The following AP5Z1 variants were observed in gnomAD, a reference collection of about 807,000 sequenced individuals.
AP5Z1 encodes the protein adaptor related protein complex 5 subunit zeta 1, also known as AP-5 complex subunit zeta-1.
AP5Z1 carries 106 observed loss-of-function variants against 83.0 expected under a neutral mutation model. The observed-to-expected ratio is 1.28, with a 90% confidence interval of 1.09 to 1.50. The LOEUF is 1.50. AP5Z1 is among the 40% of genes most tolerant of loss of function. The probability of loss-of-function intolerance (pLI) is 0.00; values close to 1 mark genes in which losing one functional copy is unlikely to be tolerated. For missense variants in AP5Z1, 1,565 were observed against 1,094.2 expected, an observed-to-expected ratio of 1.43 and a Z score of -6.07; for synonymous variants, 751 against 514.1, an observed-to-expected ratio of 1.46 and a Z score of -6.23.
chr7:4,776,746 GAAAAA>G (rs1781239852), intron 1 of AP5Z1, among the ~76,000 whole-genome samples: 1 of 151,660 alleles, frequency 6.6e-6, no homozygotes, highest in African/African-American at 2.4e-5. Flanking sequence ...AAAGAAAAAA[GAAAAA>G]AAGTAAAGAA....
chr7:4,784,090 C>G (rs776131555), intron 5 of AP5Z1, 113 bp from the exon 6 acceptor site: 23 of 1,323,962 alleles, frequency 1.7e-5, no homozygotes, highest in Non-Finnish European at 2.3e-5. Context: ...GGGCCGCTGC[C>G]CGGGCTCATG....
chr7:4,779,728 C>T (rs1156469965), intron 1 of AP5Z1, among the ~76,000 whole-genome samples: 4 of 151,938 alleles, frequency 2.6e-5, no homozygotes, highest in Non-Finnish European at 5.9e-5. Context: ...GCAACCTCCT[C>T]CTCCCGGGTT....
At chr7:4,783,841 A>G (rs935953749) in intron 5 of AP5Z1, 43 bp downstream of exon 5, 1 of 1,522,952 alleles carries the variant, frequency 6.6e-7, no homozygotes, top group African/African-American at 1.4e-5. Flanking sequence ...ACAGAGTCAC[A>G]GACAACCCCT....
chr7:4,778,056 A>T (rs1781273113), intron 1 of AP5Z1, among the ~76,000 whole-genome samples: 1 of 152,188 alleles, frequency 6.6e-6, no homozygotes, highest in African/African-American at 2.4e-5. Context: ...CGTCTCTACA[A>T]AACAGAATTT....
intron 1 of AP5Z1, among the ~76,000 whole-genome samples, chr7:4,780,186 G>C (rs1781341820): frequency 6.6e-6 from 1 of 152,248 alleles, no homozygotes; most frequent in East Asian, 1.9e-4. Flanking sequence ...CTAAAAACAG[G>C]CTTCCATTTG....
rs759021146 is a variant in AP5Z1, at chr7:4,784,218, G to A, written c.637G>A (p.Glu213Lys). Reference protein sequence around the residue: ...PRARQPGPVTEVDGAVATDFF... With the variant: ...PRARQPGPVTKVDGAVATDFF... ...CTTCCCACAGCCGGGCCCCGTCACC[G>A]AGGTGGACGGGGCGGTAGCCACAGA... The change falls in exon 6 of 17, where the codon GAG (glutamate) becomes AAG (lysine). Residue 213 changes from glutamate (E) to lysine (K), a missense_variant. By Grantham distance (56) the Glu-to-Lys change is moderately conservative. Coordinates refer to ENST00000649063, the MANE Select transcript of AP5Z1 (RefSeq NM_014855.3). 9.9e-6 allele frequency: 14 copies of A among 1,412,070 alleles called. No homozygotes were observed. The highest frequency in any genetic ancestry group is 3.0e-5 in the East Asian group (1 of 32,998). The allele number at this position is 1,412,070 out of a possible 1,614,324, so 87.5% of individuals were successfully genotyped here. A position where few individuals can be genotyped will look rare whatever the true frequency, so the allele number is the denominator to read the frequency against.
Position 4,789,941 on chromosome 7 carries a change from C to T in AP5Z1, c.1805+12C>T, listed in dbSNP as rs764138624. The T allele has an allele frequency of 1.3e-6, 2 of 1,521,398 alleles. No homozygotes were observed. Among genetic ancestry groups the T allele is most frequent in the Non-Finnish European group, 1.8e-6 (2 of 1,129,138 alleles). The allele number at this position is 1,521,398 out of a possible 1,614,324, so 94.2% of individuals were successfully genotyped here. A position where few individuals can be genotyped will look rare whatever the true frequency, so the allele number is the denominator to read the frequency against. ...GCCGGTGTGCACAGGTAGGTCCCTC[C>T]TGCGCTCCTGCCACAGCCCTGGGCG... On this transcript the variant is annotated intron_variant, in intron 14 of 16. Coordinates refer to ENST00000649063, the MANE Select transcript of AP5Z1 (RefSeq NM_014855.3).
At chr7:4,778,155 G>A (rs543681251) in intron 1 of AP5Z1, among the ~76,000 whole-genome samples, 17 of 152,328 alleles carry the variant, frequency 1.1e-4, no homozygotes, top group African/African-American at 3.1e-4. Context: ...AGCCAAGGAG[G>A]TTGAGGCTGC....
At chr7:4,783,496 C>G in intron 4 of AP5Z1, 36 bp downstream of exon 4, 1 of 1,600,994 alleles carries the variant, frequency 6.2e-7, no homozygotes, top group Non-Finnish European at 8.5e-7. Flanking sequence ...TGTTGGGGGT[C>G]TGCCTTCCCA....
At chr7:4,789,972 C>T in intron 14 of AP5Z1, 43 bp downstream of exon 14, 2 of 1,432,790 alleles carry the variant, frequency 1.4e-6, no homozygotes, top group African/African-American at 1.4e-5. Flanking sequence ...GGGCGGGTGC[C>T]TCCTGGACTC....
chr7:4,791,741 A>G lies in AP5Z1; in HGVS notation c.*356A>G, dbSNP rs1251409757. 2 of 327,944 alleles carry G rather than the reference A, an allele frequency of 6.1e-6. No individual in the cohort carries two copies. The highest frequency in any genetic ancestry group is 5.5e-5 in the East Asian group (1 of 18,264). 20.3% of individuals were successfully genotyped at this position (327,944 alleles called of 1,614,324 possible). On this transcript the variant is annotated 3_prime_UTR_variant, in exon 17 of 17. Transcript: ENST00000649063. ...GGCAAGAAGAGCTGCAGTAAAAGTAAATCTCCTTTAATAAGCGTCTGTATG... is the reference window on the plus strand; with the variant it reads ...GGCAAGAAGAGCTGCAGTAAAAGTAGATCTCCTTTAATAAGCGTCTGTATG...
chr7:4,786,371 C>G lies in AP5Z1; in HGVS notation c.1254C>G (p.Leu418=), dbSNP rs763868444. Residue 418 remains leucine, a synonymous_variant, in exon 10 of 17, where the codon CTC becomes CTG. Transcript: ENST00000649063. ...FEFIQFCRDN[L]HLFSGHLSTL... The stretch of plus-strand genomic sequence containing the variant: ...TCATCCAGTTCTGCAGGGACAACCT[C>G]CACCTGTTCAGCGGGCACCTCAGCA... 7.0e-5 allele frequency: 113 copies of G among 1,613,816 alleles called. No individual in the cohort carries two copies. The South Asian group carries it at 7.4e-4, about 11-fold the overall frequency.
intron 13 of AP5Z1, among the ~76,000 whole-genome samples, 160 bp from the exon 14 acceptor site, chr7:4,789,672 C>G (rs894689115): frequency 4.6e-5 from 7 of 152,206 alleles, no homozygotes; most frequent in Admixed American, 3.3e-4. Context: ...TGCCCGGATG[C>G]TGCCAGCTGA....
intron 7 of AP5Z1, 117 bp from the exon 8 acceptor site, chr7:4,785,298 G>C: frequency 1.4e-6 from 2 of 1,408,910 alleles, no homozygotes; most frequent in Non-Finnish European, 1.9e-6. Context: ...CCTCCTGGGG[G>C]CCTGTCCCAC....
chr7:4,781,284 A>C lies in AP5Z1; in HGVS notation c.151A>C (p.Ile51Leu), dbSNP rs140291875. 6.2e-7 allele frequency: 1 copy of C among 1,613,662 alleles called. No individual in the cohort carries two copies. Among genetic ancestry groups the C allele is most frequent in the South Asian group, 1.1e-5 (1 of 91,076 alleles). ...CGACTCCCTGCAGAGGCTCTTCCTC[A>C]TCATCTCAGCCACGAAGTACAGCCG... ...TLDSLQRLFL[I>L]ISATKYSRRL... Residue 51 changes from isoleucine to leucine, a missense_variant, in exon 2 of 17, where the codon ATC becomes CTC. Coordinates refer to ENST00000649063, the MANE Select transcript of AP5Z1 (RefSeq NM_014855.3).
intron 10 of AP5Z1, among the ~76,000 whole-genome samples, chr7:4,786,777 T>C (rs925023574): frequency 2.0e-5 from 3 of 151,960 alleles, no homozygotes; most frequent in African/African-American, 7.2e-5. Flanking sequence ...TTTGCCTTTT[T>C]TTTTTCTTTT....
In AP5Z1 at chr7:4,791,199, C is replaced by G. The variant is rs769593328; in HGVS notation, c.2238C>G (p.Ala746=). The change falls in exon 17 of 17, where the codon GCC becomes GCG. Residue 746 remains alanine, a synonymous_variant. Transcript: ENST00000649063. ...CGCACAGCGAGGAGGGCGCGGAAGC[C>G]ATCCGTACCCGGGCCACAGAGCTGC... is the stretch of plus-strand genomic sequence containing the variant. ...SSTHSEEGAE[A]IRTRATELLT... The G allele has an allele frequency of 1.2e-6, 2 of 1,612,726 alleles. No homozygotes were observed. The highest frequency in any genetic ancestry group is 4.5e-5 in the East Asian group (2 of 44,876).
rs960598030 is a variant in AP5Z1, at chr7:4,788,429, T to C, written c.1595+135T>C. On this transcript the variant is annotated intron_variant, in intron 12 of 16. Coordinates refer to ENST00000649063, the MANE Select transcript of AP5Z1 (RefSeq NM_014855.3). The stretch of plus-strand genomic sequence containing the variant: ...CCCACACAAGGCTGCGTCCCCGTCA[T>C]CACCATTATAGAGGCCCTGCTTCTG... The C allele has an allele frequency of 6.8e-6, 8 of 1,168,518 alleles. No homozygotes were observed. The African/African-American group carries it at 9.3e-5, about 14-fold the overall frequency. 72.4% of individuals were successfully genotyped at this position (1,168,518 alleles called of 1,614,324 possible).
At position 4,791,591 on chromosome 7, in the gene AP5Z1, G is replaced by A. The variant is rs1781776627; in HGVS notation, c.*206G>A. On this transcript the variant is annotated 3_prime_UTR_variant, in exon 17 of 17. Transcript: ENST00000649063. The stretch of plus-strand genomic sequence containing the variant: ...TTGTCTCCGAGCCTTTTGCTCCCAG[G>A]CAACACTGAGCTGAGCTGAGGGGTG... 3 of 724,688 alleles carry A rather than the reference G, an allele frequency of 4.1e-6. No individual in the cohort carries two copies. The highest frequency in any genetic ancestry group is 4.0e-5 in the South Asian group (2 of 49,772). 44.9% of individuals were successfully genotyped at this position (724,688 alleles called of 1,614,324 possible). A position where few individuals can be genotyped will look rare whatever the true frequency, so the allele number is the denominator to read the frequency against.
Sources: gnomAD v4.1 joint callset for allele counts (sites outside exome capture counted in the v4.1 genomes callset) on GRCh38, gnomAD v4.1.1 for gene constraint, MANE v1.5 for transcripts, NCBI Gene and HGNC (gene_info 2026-07-23, HGNC 2026-07-21) for gene names.